Variants in MTF2 observed in about 807,000 individuals in gnomAD.
MTF2 encodes metal-response element-binding transcription factor 2.
MTF2 carries 11 observed loss-of-function variants against 79.5 expected under a neutral mutation model. That is an observed-to-expected ratio of 0.14 (90% CI 0.09 to 0.23). The LOEUF is 0.23. MTF2 is among the 10% of genes least tolerant of loss of function. MTF2 has a pLI of 1.00. For missense variants in MTF2, 486 were observed against 711.2 expected, an observed-to-expected ratio of 0.68 and a Z score of 3.60; for synonymous variants, 208 against 232.8, an observed-to-expected ratio of 0.89 and a Z score of 0.97.
At chr1:93,123,210 C>CTTTTTT (rs749700655) in intron 9 of MTF2, among the ~76,000 whole-genome samples, 5 of 94,146 alleles carry the variant, frequency 5.3e-5, no homozygotes, top group African/African-American at 7.8e-5. Context: ...TCAGCTCTTT[C>CTTTTTT]TTTTTTTTTT....
At chr1:93,124,601 A>G (rs949542725) in intron 9 of MTF2, among the ~76,000 whole-genome samples, 1 of 152,036 alleles carries the variant, frequency 6.6e-6, no homozygotes, top group Admixed American at 6.5e-5. Context: ...AGGAAAATAT[A>G]CAATAGAGGT....
At chr1:93,094,761 T>C (rs181688476) in intron 1 of MTF2, among the ~76,000 whole-genome samples, 18 of 152,342 alleles carry the variant, frequency 1.2e-4, no homozygotes, top group African/African-American at 3.6e-4. Context: ...CTTGCTGTGC[T>C]CTTAGCAGCT....
At chr1:93,131,137 T>C (rs1353150425) in intron 11 of MTF2, among the ~76,000 whole-genome samples, 1 of 152,084 alleles carries the variant, frequency 6.6e-6, no homozygotes, top group East Asian at 1.9e-4. Flanking sequence ...GAGGGTGGTC[T>C]GGGATCATGT....
intron 11 of MTF2, among the ~76,000 whole-genome samples, chr1:93,129,742 A>G (rs953090191): frequency 3.9e-5 from 6 of 152,030 alleles, no homozygotes; most frequent in African/African-American, 1.4e-4. Flanking sequence ...TGATTGATTG[A>G]TTGATTGATT....
At chr1:93,120,306 A>AG (rs1056471575) in intron 8 of MTF2, 11 of 227,994 alleles carry the variant, frequency 4.8e-5, no homozygotes, top group African/African-American at 1.9e-4. Flanking sequence ...TCCAAGAAAA[A>AG]AAAAAAAAAA....
intron 1 of MTF2, among the ~76,000 whole-genome samples, chr1:93,088,037 T>C (rs1337291824): frequency 2.0e-5 from 3 of 152,232 alleles, no homozygotes; most frequent in Non-Finnish European, 2.9e-5. Flanking sequence ...GTTCATACTT[T>C]TGTTTATAGT....
At position 93,115,100 on chromosome 1, in the gene MTF2, G is replaced by A. The variant is rs368991636; in HGVS notation, c.483+12G>A. The A allele has an allele frequency of 3.2e-5, 50 of 1,561,716 alleles. No homozygotes were observed. The highest frequency in any genetic ancestry group is 4.4e-5 in the Non-Finnish European group (50 of 1,135,196). On this transcript the variant is annotated intron_variant, in intron 5 of 14. Transcript: ENST00000370298. ...CAACAACAACAAAGGTATATTTTAA[G>A]TGTTTTGGGCTAAAGCTCTGATGGA...
chr1:93,096,232 TTC>T (rs1655281655), intron 1 of MTF2, among the ~76,000 whole-genome samples: 1 of 152,236 alleles, frequency 6.6e-6, no homozygotes, highest in Admixed American at 6.5e-5. Flanking sequence ...ATTTTTTCTT[TTC>T]TCTTTGTTTT....
intron 5 of MTF2, 103 bp from the exon 6 acceptor site, chr1:93,115,367 G>T: frequency 1.0e-6 from 1 of 995,400 alleles, no homozygotes; most frequent in South Asian, 2.3e-5. Context: ...GTAAAAGTTT[G>T]GAAAGGAAAT....
chr1:93,106,372 T>C (rs1255344733), intron 1 of MTF2, among the ~76,000 whole-genome samples: 1 of 152,206 alleles, frequency 6.6e-6, no homozygotes, highest in African/African-American at 2.4e-5. Context: ...GTTTCTACTT[T>C]GGAATTCTAG....
intron 11 of MTF2, among the ~76,000 whole-genome samples, chr1:93,132,971 C>A (rs2101096695): frequency 6.6e-6 from 1 of 151,842 alleles, no homozygotes; most frequent in South Asian, 2.1e-4. Context: ...AATAGATATT[C>A]TTTCTATATA....
chr1:93,093,566 G>A (rs6659212), intron 1 of MTF2, among the ~76,000 whole-genome samples: 3,150 of 152,122 alleles, frequency 0.021, 105 homozygotes, highest in African/African-American at 0.072. Context: ...CTTGCATTCC[G>A]TGCCTGCCTT....
At chr1:93,083,777 G>T (rs1654714013) in intron 1 of MTF2, among the ~76,000 whole-genome samples, 1 of 152,198 alleles carries the variant, frequency 6.6e-6, no homozygotes, top group African/African-American at 2.4e-5. Flanking sequence ...CCTAGGGTTT[G>T]AATTGGTATT....
At chr1:93,110,710 A>G in intron 3 of MTF2, 84 bp downstream of exon 3, 2 of 1,101,960 alleles carry the variant, frequency 1.8e-6, no homozygotes, top group Non-Finnish European at 2.7e-6. Context: ...TTGTCTGTTG[A>G]ATACAGTGTA....
At chr1:93,130,344 G>A (rs569097487) in intron 11 of MTF2, among the ~76,000 whole-genome samples, 6 of 152,284 alleles carry the variant, frequency 3.9e-5, no homozygotes, top group South Asian at 4.1e-4. Flanking sequence ...TTGGGAGGCC[G>A]AGGCAGGTGG....
intron 7 of MTF2, among the ~76,000 whole-genome samples, chr1:93,118,727 A>G (rs763062662): frequency 6.6e-6 from 1 of 152,230 alleles, no homozygotes; most frequent in African/African-American, 2.4e-5. Context: ...TCAAAGGGAT[A>G]GTATTAGAAT....
At chr1:93,110,786 A>G (rs1319424123) in intron 3 of MTF2, among the ~76,000 whole-genome samples, 160 bp downstream of exon 3, 2 of 152,242 alleles carry the variant, frequency 1.3e-5, no homozygotes, top group African/African-American at 2.4e-5. Context: ...ATTATAGACC[A>G]TAAGAAGAAC....
chr1:93,079,649 T>C lies in MTF2; in HGVS notation c.5+118T>C. On this transcript the variant is annotated intron_variant, in intron 1 of 14. Transcript: ENST00000370298. ...GGAGGACCAAGGTGGGGGTGGGGGCTCCTGTATGTGGGTGCCTTTGCATTT... is the reference window on the plus strand; with the variant it reads ...GGAGGACCAAGGTGGGGGTGGGGGCCCCTGTATGTGGGTGCCTTTGCATTT... 3.1e-6 allele frequency: 4 copies of C among 1,304,318 alleles called. No homozygotes were observed. In the Admixed American group the frequency reaches 5.6e-5, roughly 18 times the overall value. The allele number at this position is 1,304,318 out of a possible 1,614,324, so 80.8% of individuals were successfully genotyped here.
intron 7 of MTF2, 139 bp downstream of exon 7, chr1:93,118,579 T>C: frequency 1.9e-6 from 1 of 534,034 alleles, no homozygotes; most frequent in Non-Finnish European, 3.2e-6. Flanking sequence ...TATTAAATAA[T>C]ATACTTAAAA....
Sources: allele counts gnomAD v4.1 joint callset (sites outside exome capture counted in the v4.1 genomes callset), GRCh38; gene constraint gnomAD v4.1.1; transcripts MANE v1.5; gene names NCBI Gene and HGNC (gene_info 2026-07-23, HGNC 2026-07-21).